The following HNF4G variants were observed in gnomAD, a reference collection of about 807,000 sequenced individuals.
HNF4G encodes hepatocyte nuclear factor 4-gamma.
Under a neutral mutation model 50.9 loss-of-function variants are expected in HNF4G, and 21 were observed. That is an observed-to-expected ratio of 0.41 (90% CI 0.29 to 0.59). HNF4G has a LOEUF of 0.59. Ranked by LOEUF, HNF4G falls within the 20% of genes least tolerant of loss-of-function variation. HNF4G has a pLI of 0.26. For missense variants in HNF4G, 527 were observed against 559.4 expected (o/e 0.94, Z 0.58); for synonymous variants, 198 against 185.6 (o/e 1.07, Z -0.54).
At chr8:75,416,219 T>C (rs1434758038) in intron 1 of HNF4G, among the ~76,000 whole-genome samples, 2 of 152,202 alleles carry the variant, frequency 1.3e-5, no homozygotes, top group Non-Finnish European at 2.9e-5. Context: ...CACAGTCCTT[T>C]TGTTCAGTAT....
intron 6 of HNF4G, 89 bp downstream of exon 6, chr8:75,556,158 T>C: frequency 1.8e-6 from 1 of 553,028 alleles, no homozygotes; most frequent in Non-Finnish European, 3.1e-6. Flanking sequence ...GTACCAAGTA[T>C]TTACAGACAC....
intron 2 of HNF4G, among the ~76,000 whole-genome samples, chr8:75,510,308 T>C (rs1805716717): frequency 1.3e-5 from 2 of 152,204 alleles, no homozygotes; most frequent in African/African-American, 2.4e-5. Context: ...GTTAAAAAAC[T>C]TAAAGATGTA....
At position 75,481,336 on chromosome 8, in the gene HNF4G, T is replaced by C. The variant is rs16939081; in HGVS notation, c.-143-8753T>C. 5.9e-3 allele frequency among the ~76,000 whole-genome samples: 896 copies of C among 152,330 alleles called. 5 individuals are homozygous for C. The highest frequency in any genetic ancestry group is 9.5e-3 in the Non-Finnish European group (643 of 68,022). On this transcript the variant is annotated intron_variant, in intron 1 of 10. Transcript: ENST00000354370. ...TGCTTTTCCACTTCTGGAACTGCCTTATACTCCAGACTTTTCATGGAATAT... is the reference window on the plus strand; with the variant it reads ...TGCTTTTCCACTTCTGGAACTGCCTCATACTCCAGACTTTTCATGGAATAT...
intron 2 of HNF4G, among the ~76,000 whole-genome samples, chr8:75,515,956 G>T (rs556972714): frequency 5.3e-5 from 8 of 152,226 alleles, no homozygotes; most frequent in South Asian, 4.1e-4. Flanking sequence ...GTAGAGACAG[G>T]GTTTCTCATC....
At chr8:75,477,189 T>G (rs2130647432) in intron 1 of HNF4G, among the ~76,000 whole-genome samples, 1 of 152,326 alleles carries the variant, frequency 6.6e-6, no homozygotes, top group African/African-American at 2.4e-5. Context: ...TTTTTTAAGA[T>G]TATATTGCCA....
At chr8:75,558,733 A>G in intron 7 of HNF4G, 63 bp downstream of exon 7, 1 of 1,577,544 alleles carries the variant, frequency 6.3e-7, no homozygotes, top group Non-Finnish European at 8.7e-7. Context: ...TTTCAATATT[A>G]GAATATTTAT....
intron 1 of HNF4G, among the ~76,000 whole-genome samples, chr8:75,543,155 C>T (rs757079084): frequency 3.3e-5 from 5 of 151,980 alleles, no homozygotes; most frequent in African/African-American, 9.7e-5. Flanking sequence ...TGCAGTGAGC[C>T]GAGATCGCAC....
intron 1 of HNF4G, among the ~76,000 whole-genome samples, chr8:75,487,089 GT>G (rs1354526660): frequency 6.6e-6 from 1 of 152,016 alleles, no homozygotes; most frequent in Non-Finnish European, 1.5e-5. Flanking sequence ...TAAAAACCCA[GT>G]TTTTTACTCA....
At position 75,547,678 on chromosome 8, in the gene HNF4G, G is replaced by C. The variant is rs770755684; in HGVS notation, c.379G>C (p.Glu127Gln). 1 of 1,528,250 alleles carries C rather than the reference G, an allele frequency of 6.5e-7. No homozygotes were observed. Among genetic ancestry groups the C allele is most frequent in the Non-Finnish European group, 9.1e-7 (1 of 1,101,996 alleles). The allele number at this position is 1,528,250 out of a possible 1,614,324, so 94.7% of individuals were successfully genotyped here. The change falls in exon 3 of 10, where the codon GAA becomes CAA. Residue 127 changes from glutamate to glutamine, a missense_variant. Glu to Gln is a conservative substitution (Grantham distance 29, BLOSUM62 2). Coordinates refer to ENST00000396423, the MANE Select transcript of HNF4G (RefSeq NM_004133.5). ...RKCFRAGMKK[E>Q]AVQNERDRIS... is the part of the protein sequence containing the mutation. ...GTGTTTTAGAGCGGGAATGAAAAAAGAAGGTAATAATAATGATGATGATAA... is the reference window on the plus strand; with the variant it reads ...GTGTTTTAGAGCGGGAATGAAAAAACAAGGTAATAATAATGATGATGATAA...
intron 3 of HNF4G, among the ~76,000 whole-genome samples, chr8:75,549,436 T>A (rs1250602981): frequency 3.3e-5 from 5 of 152,108 alleles, no homozygotes; most frequent in Non-Finnish European, 7.4e-5. Context: ...TAAGTCAGTT[T>A]AGGTTAAAAA....
At chr8:75,422,896 C>T (rs1810805987) in intron 1 of HNF4G, among the ~76,000 whole-genome samples, 1 of 152,158 alleles carries the variant, frequency 6.6e-6, no homozygotes, top group Non-Finnish European at 1.5e-5. Flanking sequence ...AGGCACTGCT[C>T]TAAATGCTTT....
At chr8:75,524,440 T>A (rs1017105646) in intron 2 of HNF4G, among the ~76,000 whole-genome samples, 4 of 152,118 alleles carry the variant, frequency 2.6e-5, no homozygotes, top group African/African-American at 9.7e-5. Flanking sequence ...AAAATGGTAA[T>A]CTTGAGAAAT....
chr8:75,502,374 T>A (rs953167504), intron 2 of HNF4G, among the ~76,000 whole-genome samples: 3 of 152,198 alleles, frequency 2.0e-5, no homozygotes, highest in African/African-American at 7.2e-5. Context: ...AAAATTTGAC[T>A]TGATGAATTT....
At chr8:75,524,825 T>A (rs976568855) in intron 2 of HNF4G, among the ~76,000 whole-genome samples, 2 of 152,224 alleles carry the variant, frequency 1.3e-5, no homozygotes, top group Non-Finnish European at 2.9e-5. Context: ...GCTATGTTTG[T>A]TAAGAATATA....
chr8:75,464,831 T>C (rs1352601994), intron 1 of HNF4G, among the ~76,000 whole-genome samples: 1 of 152,160 alleles, frequency 6.6e-6, no homozygotes, highest in Non-Finnish European at 1.5e-5. Context: ...GTATCCAGAA[T>C]CATGACTGCT....
intron 1 of HNF4G, among the ~76,000 whole-genome samples, chr8:75,481,829 CAA>C (rs202210681): frequency 6.6e-6 from 1 of 150,434 alleles, no homozygotes; most frequent in Non-Finnish European, 1.5e-5. Flanking sequence ...AATGCCCAAA[CAA>C]AAAAAAATGT....
intron 2 of HNF4G, among the ~76,000 whole-genome samples, chr8:75,517,214 G>A (rs1047138327): frequency 2.6e-5 from 4 of 152,152 alleles, no homozygotes; most frequent in Non-Finnish European, 5.9e-5. Context: ...AATTATGGGA[G>A]CTATATTTTA....
At chr8:75,475,379 T>A (rs1812218821) in intron 1 of HNF4G, among the ~76,000 whole-genome samples, 1 of 152,248 alleles carries the variant, frequency 6.6e-6, no homozygotes, top group African/African-American at 2.4e-5. Flanking sequence ...AGTACCCCTC[T>A]GTTGTTTATT....
chr8:75,510,055 T>A (rs1378310086), intron 2 of HNF4G, among the ~76,000 whole-genome samples: 1 of 152,072 alleles, frequency 6.6e-6, no homozygotes, highest in Admixed American at 6.6e-5. Flanking sequence ...CATGTTTTTG[T>A]CCCTGAAAAC....
Sources: gnomAD v4.1 joint callset for allele counts (sites outside exome capture counted in the v4.1 genomes callset) on GRCh38, gnomAD v4.1.1 for gene constraint, MANE v1.5 for transcripts, NCBI Gene and HGNC (gene_info 2026-07-23, HGNC 2026-07-21) for gene names.